TTYH1: variants seen among roughly 807,000 people sequenced by gnomAD.
The protein encoded by TTYH1 is tweety family member 1, also known as protein tweety homolog 1.
In TTYH1, 33 loss-of-function variants were observed where a neutral mutation model predicts 61.2. That is an observed-to-expected ratio of 0.54 (90% CI 0.41 to 0.72). The LOEUF (loss-of-function observed/expected upper bound fraction) is 0.72. TTYH1 is among the 30% of genes least tolerant of loss of function. TTYH1 has a pLI of 0.00. For missense variants in TTYH1, 538 were observed against 575.8 expected (o/e 0.93, Z 0.67); for synonymous variants, 308 against 266.4 (o/e 1.16, Z -1.52).
chr19:54,435,694 G>T lies in TTYH1; in HGVS notation c.1268+10G>T. On this transcript the variant is annotated intron_variant, in intron 11 of 13. Coordinates refer to ENST00000376530, the MANE Select transcript of TTYH1 (RefSeq NM_020659.4). ...CCCTCTTCCCACCCAGGTCAGGAGC[G>T]GGGGAGGGTAGGGTCCTGGGGAGGG... 5 of 1,608,248 alleles carry T rather than the reference G, an allele frequency of 3.1e-6. No individual in the cohort carries two copies. The highest frequency in any genetic ancestry group is 2.2e-5 in the East Asian group (1 of 44,802).
At chr19:54,423,927 C>G (rs969232385) in intron 4 of TTYH1, among the ~76,000 whole-genome samples, 1 of 152,226 alleles carries the variant, frequency 6.6e-6, no homozygotes, top group South Asian at 2.1e-4. Flanking sequence ...CTTTGGGAAG[C>G]CGAGGCAGGC....
chr19:54,429,423 C>T lies in TTYH1; in HGVS notation c.807+44C>T. The T allele has an allele frequency of 1.9e-6, 3 of 1,565,472 alleles. No homozygotes were observed. Among genetic ancestry groups the T allele is most frequent in the Non-Finnish European group, 1.8e-6 (2 of 1,139,048 alleles). ...CCATTGGGCTCTGGGACTCAGGGGGCCTGGAGACTTCAACTTCTGGATCTC... is the reference window on the plus strand; with the variant it reads ...CCATTGGGCTCTGGGACTCAGGGGGTCTGGAGACTTCAACTTCTGGATCTC... On this transcript the variant is annotated intron_variant, in intron 6 of 13. Transcript: ENST00000376530. The surrounding 1 kb of genome is among the most constrained non-coding windows in gnomAD (Gnocchi z 5.1).
Position 54,436,549 on chromosome 19 carries a change from A to T in TTYH1, c.*259A>T, listed in dbSNP as rs992496792. ...CAGACAGCCTCGCCTCGCACCCTTC[A>T]TCCCTGGCTGCCGGTCCCATCCTTG... On this transcript the variant is annotated 3_prime_UTR_variant, in exon 14 of 14. Transcript: ENST00000376530. The surrounding 1 kb of genome is among the most constrained non-coding windows in gnomAD (Gnocchi z 4.3). 2 of 667,174 alleles carry T rather than the reference A, an allele frequency of 3.0e-6. No individual in the cohort carries two copies. Among genetic ancestry groups the T allele is most frequent in the Non-Finnish European group, 5.2e-6 (2 of 383,834 alleles). 41.3% of individuals were successfully genotyped at this position (667,174 alleles called of 1,614,324 possible).
rs2083216292 is a variant in TTYH1 at position 54,421,457 on chromosome 19, G to A, written c.417+69G>A. 8 of 1,080,578 alleles carry A rather than the reference G, an allele frequency of 7.4e-6. No homozygotes were observed. In the South Asian group the frequency reaches 7.4e-5, roughly 10 times the overall value. The allele number at this position is 1,080,578 out of a possible 1,614,324, so 66.9% of individuals were successfully genotyped here. On this transcript the variant is annotated intron_variant, in intron 3 of 13. Coordinates refer to ENST00000376530, the MANE Select transcript of TTYH1 (RefSeq NM_020659.4). The surrounding 1 kb of genome is among the most constrained non-coding windows in gnomAD (Gnocchi z 4.8). Reference sequence around the variant, plus strand: ...CGGGCTCCCCACACCCAAGGACAAAGGGATCCAAACTCAGAGCTAAGACCC... The same window carrying A: ...CGGGCTCCCCACACCCAAGGACAAAAGGATCCAAACTCAGAGCTAAGACCC...
chr19:54,430,447 T>C lies in TTYH1; in HGVS notation c.884-103T>C, dbSNP rs989592436. 9.9e-4 allele frequency: 1,274 copies of C among 1,283,488 alleles called. 19 individuals are homozygous for C. Among genetic ancestry groups the C allele is most frequent in the Non-Finnish European group, 1.8e-4 (157 of 886,312 alleles). The allele number at this position is 1,283,488 out of a possible 1,614,324, so 79.5% of individuals were successfully genotyped here. ...AGGCCATCGGGCTCCAGGGCTGGGC[T>C]GAGGCCCCTAACCCTGCTAACCCCC... On this transcript the variant is annotated intron_variant, in intron 7 of 13. Transcript: ENST00000376530.
intron 9 of TTYH1, 72 bp from the exon 10 acceptor site, chr19:54,431,026 GA>G (rs372640517): frequency 2.0e-6 from 3 of 1,479,156 alleles, no homozygotes; most frequent in African/African-American, 2.8e-5. Flanking sequence ...TGTGGGCGGG[GA>G]CGCAGGGCGG....
At chr19:54,430,010 C>A in intron 7 of TTYH1, 53 bp downstream of exon 7, 1 of 1,505,118 alleles carries the variant, frequency 6.6e-7, no homozygotes, top group Non-Finnish European at 9.2e-7. Context: ...CAGGCCCTGG[C>A]TTCCTCAGGC....
intron 4 of TTYH1, among the ~76,000 whole-genome samples, chr19:54,423,980 G>C (rs1274104057): frequency 6.6e-6 from 1 of 152,050 alleles, no homozygotes; most frequent in African/African-American, 2.4e-5. Flanking sequence ...GGCTAACACG[G>C]TGAAATCCCG....
chr19:54,416,263 G>T lies in TTYH1; in HGVS notation c.126+585G>T. The T allele has an allele frequency of 6.1e-6, 2 of 330,372 alleles. No homozygotes were observed. The highest frequency in any genetic ancestry group is 1.8e-4 in the East Asian group (2 of 10,812). 20.5% of individuals were successfully genotyped at this position (330,372 alleles called of 1,614,324 possible). On this transcript the variant is annotated intron_variant, in intron 1 of 13. Transcript: ENST00000376530. The surrounding 1 kb of genome is among the most constrained non-coding windows in gnomAD (Gnocchi z 7.0). ...GCTTCTTGCCCGTCCCAAGAAAGAA[G>T]GGGTGGTCAGGGCGCTGCAGGGGTG...
intron 4 of TTYH1, among the ~76,000 whole-genome samples, chr19:54,423,198 AT>A (rs1175182125): frequency 0.019 from 2,534 of 132,866 alleles, 42 homozygotes; most frequent in African/African-American, 0.047. Context: ...GTTCAGCACT[AT>A]TTTTTTTTTT....
rs2083155078 is a variant in TTYH1, at chr19:54,419,247, C to T, written c.246C>T (p.Ile82=). 3 of 1,608,322 alleles carry T rather than the reference C, an allele frequency of 1.9e-6. No homozygotes were observed. Among genetic ancestry groups the T allele is most frequent in the African/African-American group, 1.3e-5 (1 of 75,050 alleles). ...CRPPEPPGSK[I]PSPGGGCVTW... ...CCCCCGAGCCCCCCGGGTCCAAGATCCCCTCGCCCGGGGGAGGCTGCGTCA... is the reference window on the plus strand; with the variant it reads ...CCCCCGAGCCCCCCGGGTCCAAGATTCCCTCGCCCGGGGGAGGCTGCGTCA... The change falls in exon 2 of 14, where the codon ATC becomes ATT. Residue 82 remains isoleucine (I), a synonymous_variant. Transcript: ENST00000376530. This position sits in a 1 kb window ranked among gnomAD's most constrained non-coding sequence, Gnocchi z 6.1.
rs2083383325 is a variant in TTYH1 at position 54,429,069 on chromosome 19, C to T, written c.735-238C>T. On this transcript the variant is annotated intron_variant, in intron 5 of 13. Transcript: ENST00000376530. This position sits in a 1 kb window ranked among gnomAD's most constrained non-coding sequence, Gnocchi z 5.1. ...TGGGATCCAAGCTGCGACCACCCAG[C>T]CCAGGGCCCTGCTCATACCCCACAC... 6.6e-6 allele frequency among the ~76,000 whole-genome samples: 1 copy of T among 152,132 alleles called. No homozygotes were observed. The highest frequency in any genetic ancestry group is 6.5e-5 in the Admixed American group (1 of 15,268).
At chr19:54,426,547 G>A (rs2083322362) in intron 4 of TTYH1, 126 bp from the exon 5 acceptor site, 1 of 749,588 alleles carries the variant, frequency 1.3e-6, no homozygotes, top group African/African-American at 1.7e-5. Context: ...GCAGGAGGCT[G>A]AGCTTGGAGG....
chr19:54,429,258 A>T lies in TTYH1; in HGVS notation c.735-49A>T. On this transcript the variant is annotated intron_variant, in intron 5 of 13. Transcript: ENST00000376530. The surrounding 1 kb of genome is among the most constrained non-coding windows in gnomAD (Gnocchi z 5.1). ...GGGATTTGGGGTGTGGAAAGAGGCTAGGCTAGGAGATTAAGAACCCCGGGC... is the reference window on the plus strand; with the variant it reads ...GGGATTTGGGGTGTGGAAAGAGGCTTGGCTAGGAGATTAAGAACCCCGGGC... 6.4e-7 allele frequency: 1 copy of T among 1,561,306 alleles called. No individual in the cohort carries two copies. The highest frequency in any genetic ancestry group is 8.8e-7 in the Non-Finnish European group (1 of 1,132,212).
Position 54,436,225 on chromosome 19 carries a change from C to T in TTYH1, c.*42+54C>T, listed in dbSNP as rs540114292. On this transcript the variant is annotated intron_variant, in intron 13 of 13. Coordinates refer to ENST00000376530, the MANE Select transcript of TTYH1 (RefSeq NM_020659.4). The surrounding 1 kb of genome is among the most constrained non-coding windows in gnomAD (Gnocchi z 4.3). ...TGCAGCCGGGCCTCTGCCCCCCTCC[C>T]GCCCTCCGAGCTGCTCCAGGCATGG... is the stretch of plus-strand genomic sequence containing the variant. 2.8e-5 allele frequency: 45 copies of T among 1,606,128 alleles called. No homozygotes were observed. The East Asian group carries it at 5.1e-4, about 18-fold the overall frequency.
At chr19:54,431,555 G>T (rs2083445703) in intron 10 of TTYH1, 1 of 297,540 alleles carries the variant, frequency 3.4e-6, no homozygotes. Context: ...CGCTTAGTGA[G>T]TTCTGGAGCA....
In TTYH1 at chr19:54,429,214, G is replaced by A; in HGVS notation, c.735-93G>A. ...CCTCCAGGCTCCAGAGGTGGGTGGA[G>A]GTGGGGGGCGGCTGTGATGGGATTT... is the stretch of plus-strand genomic sequence containing the variant. On this transcript the variant is annotated intron_variant, in intron 5 of 13. Coordinates refer to ENST00000376530, the MANE Select transcript of TTYH1 (RefSeq NM_020659.4). The surrounding 1 kb of genome is among the most constrained non-coding windows in gnomAD (Gnocchi z 5.1). 1 of 1,166,182 alleles carries A rather than the reference G, an allele frequency of 8.6e-7. No homozygotes were observed. Among genetic ancestry groups the A allele is most frequent in the Non-Finnish European group, 1.3e-6 (1 of 780,342 alleles). The allele number at this position is 1,166,182 out of a possible 1,614,324, so 72.2% of individuals were successfully genotyped here.
At chr19:54,433,014 A>C (rs2083471863) in intron 10 of TTYH1, 1 of 152,178 alleles carries the variant, frequency 6.6e-6, no homozygotes. Context: ...TATTGAGCTG[A>C]GAAAGGCTGG....
rs751808743 is a variant in TTYH1, at chr19:54,436,539, C to T, written c.*249C>T. 3.1e-5 allele frequency: 22 copies of T among 713,504 alleles called. No individual in the cohort carries two copies. The highest frequency in any genetic ancestry group is 5.1e-4 in the Middle Eastern group (2 of 3,954). 44.2% of individuals were successfully genotyped at this position (713,504 alleles called of 1,614,324 possible). ...GGGGAGGGGGCAGACAGCCTCGCCTCGCACCCTTCATCCCTGGCTGCCGGT... is the reference window on the plus strand; with the variant it reads ...GGGGAGGGGGCAGACAGCCTCGCCTTGCACCCTTCATCCCTGGCTGCCGGT... On this transcript the variant is annotated 3_prime_UTR_variant, in exon 14 of 14. Transcript: ENST00000376530. This position sits in a 1 kb window ranked among gnomAD's most constrained non-coding sequence, Gnocchi z 4.3.
Sources: gnomAD v4.1 joint callset for allele counts (sites outside exome capture counted in the v4.1 genomes callset) on GRCh38, gnomAD v4.1.1 for gene constraint, Gnocchi (gnomAD v3.1) non-coding constraint, MANE v1.5 for transcripts, NCBI Gene and HGNC (gene_info 2026-07-23, HGNC 2026-07-21) for gene names.